The following HERC1 variants were observed in gnomAD, a reference collection of about 807,000 sequenced individuals.
HERC1 encodes HECT and RLD domain containing E3 ubiquitin protein ligase family member 1.
A neutral mutation model predicts 554.3 loss-of-function variants in HERC1; 160 were observed. The ratio of observed to expected loss-of-function variants is 0.29; its 90% confidence interval spans 0.25 to 0.33. HERC1 has a LOEUF of 0.33. HERC1 is among the 10% of genes least tolerant of loss of function. The probability of loss-of-function intolerance (pLI) is 1.00; values close to 1 mark genes in which losing one functional copy is unlikely to be tolerated. For synonymous variants in HERC1, 2,175 were observed against 2,131.7 expected (o/e 1.02, Z -0.56); for missense variants, 4,919 against 5,918.5 (o/e 0.83, Z 5.54).
At chr15:63,642,725 T>C (rs1337310664) in intron 59 of HERC1, among the ~76,000 whole-genome samples, 3 of 152,188 alleles carry the variant, frequency 2.0e-5, no homozygotes, top group Non-Finnish European at 4.4e-5. Flanking sequence ...AATTGTTCAA[T>C]ATCTAAGCAC....
chr15:63,826,784 T>TAAA (rs71456333), intron 1 of HERC1, among the ~76,000 whole-genome samples: 8 of 37,114 alleles, frequency 2.2e-4, no homozygotes, highest in African/African-American at 4.3e-4. Flanking sequence ...TTATCTCTGG[T>TAAA]AAAAAAAAAA....
chr15:63,691,820 A>G (rs1206034768), intron 31 of HERC1, among the ~76,000 whole-genome samples: 1 of 152,242 alleles, frequency 6.6e-6, no homozygotes, highest in African/African-American at 2.4e-5. Context: ...AATACTGTGA[A>G]TAAGCTTAAT....
At chr15:63,819,093 T>C (rs972097127) in intron 1 of HERC1, among the ~76,000 whole-genome samples, 1 of 152,226 alleles carries the variant, frequency 6.6e-6, no homozygotes, top group Non-Finnish European at 1.5e-5. Context: ...TCCAATCACT[T>C]ACTTTAGAGA....
Position 63,694,632 on chromosome 15 carries a change from T to C in HERC1, c.5243-83A>G. On this transcript the variant is annotated intron_variant, in intron 28 of 77. Transcript: ENST00000443617. The surrounding 1 kb of genome is among the most constrained non-coding windows in gnomAD (Gnocchi z 4.3). ...AATGAATAATTTTCTAAAATATTAA[T>C]AACATGAAACACTAAATTATTTATT... The C allele has an allele frequency of 2.1e-6, 3 of 1,433,584 alleles. No individual in the cohort carries two copies. The highest frequency in any genetic ancestry group is 2.9e-6 in the Non-Finnish European group (3 of 1,036,292). 88.8% of individuals were successfully genotyped at this position (1,433,584 alleles called of 1,614,324 possible).
chr15:63,718,598 T>C lies in HERC1; in HGVS notation c.3954A>G (p.Thr1318=). The C allele has an allele frequency of 6.3e-7, 1 of 1,584,742 alleles. No individual in the cohort carries two copies. Among genetic ancestry groups the C allele is most frequent in the Non-Finnish European group, 8.6e-7 (1 of 1,163,188 alleles). ...LACKNLELIQ[T]RSSSRDRWIS... Reference sequence around the variant, plus strand: ...CCCATCTGTCCCGTGATGATGACCTTGTTTGAATAAGTTCAAGGTTCTTGC... The same window carrying C: ...CCCATCTGTCCCGTGATGATGACCTCGTTTGAATAAGTTCAAGGTTCTTGC... Residue 1318 remains threonine (T), a synonymous_variant, in exon 21 of 78, where the codon ACA becomes ACG. Transcript: ENST00000443617. The surrounding 1 kb of genome is among the most constrained non-coding windows in gnomAD (Gnocchi z 4.2).
Position 63,718,552 on chromosome 15 carries a change from A to G in HERC1, c.3978+22T>C, listed in dbSNP as rs1172956136. 8.5e-6 allele frequency: 13 copies of G among 1,530,838 alleles called. No homozygotes were observed. Among genetic ancestry groups the G allele is most frequent in the Non-Finnish European group, 1.1e-5 (13 of 1,132,774 alleles). 94.8% of individuals were successfully genotyped at this position (1,530,838 alleles called of 1,614,324 possible). ...TCACAGCTTGCAGAAAAACATAGAA[A>G]TTAATTGATTTCAAACTTTACCCAT... On this transcript the variant is annotated intron_variant, in intron 21 of 77. Transcript: ENST00000443617. This position sits in a 1 kb window ranked among gnomAD's most constrained non-coding sequence, Gnocchi z 4.2.
In HERC1 at chr15:63,797,706, T is replaced by G. The variant is rs138526510; in HGVS notation, c.-26-22057A>C. Among the ~76,000 whole-genome samples, 39 of 152,362 alleles carry G rather than the reference T, an allele frequency of 2.6e-4. 2 individuals carry two copies. In the East Asian group the frequency reaches 6.7e-3, roughly 26 times the overall value. ...CAATTAAACTCTTCCTTTACTGCAA[T>G]GTAGTGGTCTCTGTTAATTGATTTT... On this transcript the variant is annotated intron_variant, in intron 1 of 77. Coordinates refer to ENST00000443617, the MANE Select transcript of HERC1 (RefSeq NM_003922.4).
At chr15:63,786,570 C>T (rs991553864) in intron 1 of HERC1, among the ~76,000 whole-genome samples, 6 of 152,082 alleles carry the variant, frequency 3.9e-5, no homozygotes, top group African/African-American at 9.7e-5. Context: ...ATTATTCAGC[C>T]ATAAATAGGA....
chr15:63,823,532 G>T (rs2077775485), intron 1 of HERC1, among the ~76,000 whole-genome samples: 1 of 152,154 alleles, frequency 6.6e-6, no homozygotes, highest in African/African-American at 2.4e-5. Flanking sequence ...AGATCTAACT[G>T]GTGACAATGC....
intron 25 of HERC1, 42 bp from the exon 26 acceptor site, chr15:63,699,038 T>C (rs2153069014): frequency 6.5e-7 from 1 of 1,527,876 alleles, no homozygotes; most frequent in African/African-American, 1.4e-5. Context: ...GGCAATCAAG[T>C]AGAGCATACA....
At position 63,615,904 on chromosome 15, in the gene HERC1, G is replaced by C; in HGVS notation, c.13958C>G (p.Ser4653Cys). Residue 4653 changes from serine to cysteine, a missense_variant, in exon 76 of 78, where the codon TCT becomes TGT. Physicochemically the swap from Ser to Cys is moderately radical, Grantham distance 112 (BLOSUM62 -1). Coordinates refer to ENST00000443617, the MANE Select transcript of HERC1 (RefSeq NM_003922.4). ...ESFHEMIPLD[S>C]FVGQSADGKM... ...GCCATCAGCACTCTGGCCAACAAAA[G>C]AATCAAGAGGAATCATCTAGGAACA... 2 of 1,590,540 alleles carry C rather than the reference G, an allele frequency of 1.3e-6. No homozygotes were observed. Among genetic ancestry groups the C allele is most frequent in the Non-Finnish European group, 1.7e-6 (2 of 1,170,858 alleles).
rs1468447421 is a variant in HERC1 at position 63,759,700 on chromosome 15, T to G, written c.1027-1331A>C. Among the ~76,000 whole-genome samples, 3 of 152,222 alleles carry G rather than the reference T, an allele frequency of 2.0e-5. No homozygotes were observed. The East Asian group carries it at 5.8e-4, about 29-fold the overall frequency. On this transcript the variant is annotated intron_variant, in intron 3 of 77. Transcript: ENST00000443617. ...CAATAAAGATATTAACTGACTACAGTGACTATCAATTTGTTTTCTGCCTTT... is the reference window on the plus strand; with the variant it reads ...CAATAAAGATATTAACTGACTACAGGGACTATCAATTTGTTTTCTGCCTTT...
chr15:63,826,306 G>A (rs773021555), intron 1 of HERC1, among the ~76,000 whole-genome samples: 24 of 152,096 alleles, frequency 1.6e-4, no homozygotes, highest in Non-Finnish European at 3.1e-4. Context: ...CTTTAAACTC[G>A]CGGTTTAATT....
chr15:63,709,866 A>G (rs991301002), intron 24 of HERC1, among the ~76,000 whole-genome samples: 1 of 152,246 alleles, frequency 6.6e-6, no homozygotes, highest in Non-Finnish European at 1.5e-5. Context: ...ATTATCAGAC[A>G]TCCTAACAAA....
Position 63,778,186 on chromosome 15 carries a change from C to G in HERC1, c.-26-2537G>C, listed in dbSNP as rs188918140. ...AACCAATCCAGGGTACATGCTTTCACCTCCATCCAGCCATAAGGCTTTGTG... is the reference window on the plus strand; with the variant it reads ...AACCAATCCAGGGTACATGCTTTCAGCTCCATCCAGCCATAAGGCTTTGTG... On this transcript the variant is annotated intron_variant, in intron 1 of 77. Coordinates refer to ENST00000443617, the MANE Select transcript of HERC1 (RefSeq NM_003922.4). 8.9e-4 allele frequency among the ~76,000 whole-genome samples: 136 copies of G among 152,316 alleles called. 1 individual carries two copies. The highest frequency in any genetic ancestry group is 3.4e-3 in the Middle Eastern group (1 of 294).
intron 60 of HERC1, among the ~76,000 whole-genome samples, chr15:63,641,146 T>G (rs2069036982): frequency 6.6e-6 from 1 of 152,214 alleles, no homozygotes; most frequent in Non-Finnish European, 1.5e-5. Flanking sequence ...CATATAAAAA[T>G]AGATATATGT....
chr15:63,681,452 C>T (rs1389966011), intron 34 of HERC1, among the ~76,000 whole-genome samples: 1 of 152,166 alleles, frequency 6.6e-6, no homozygotes, highest in East Asian at 1.9e-4. Context: ...CCACCTCGGC[C>T]TCCCAAAGTG....
At position 63,694,562 on chromosome 15, in the gene HERC1, G is replaced by C. The variant is rs754577074; in HGVS notation, c.5243-13C>G. The C allele has an allele frequency of 1.9e-6, 3 of 1,605,090 alleles. No homozygotes were observed. Among genetic ancestry groups the C allele is most frequent in the Admixed American group, 1.7e-5 (1 of 59,990 alleles). On this transcript the variant is annotated splice_polypyrimidine_tract_variant and intron_variant, in intron 28 of 77. Coordinates refer to ENST00000443617, the MANE Select transcript of HERC1 (RefSeq NM_003922.4). The surrounding 1 kb of genome is among the most constrained non-coding windows in gnomAD (Gnocchi z 4.3). ...CGTTGCTGGGCTTCTAAAAGACAAA[G>C]AGACAGTTAAGAATCTTCCTTTCAG...
chr15:63,611,213 G>C (rs1299384408), intron 77 of HERC1, among the ~76,000 whole-genome samples: 3 of 152,206 alleles, frequency 2.0e-5, no homozygotes, highest in South Asian at 4.1e-4. Flanking sequence ...AACATGAGAA[G>C]TATCAAGACG....
Sources: gnomAD v4.1 joint callset for allele counts (sites outside exome capture counted in the v4.1 genomes callset) on GRCh38, gnomAD v4.1.1 for gene constraint, Gnocchi (gnomAD v3.1) non-coding constraint, MANE v1.5 for transcripts, NCBI Gene and HGNC (gene_info 2026-07-23, HGNC 2026-07-21) for gene names.